The following IP6K2 variants were observed in gnomAD, a reference collection of about 807,000 sequenced individuals.
The protein encoded by IP6K2 is ATP:1D-myo-inositol-hexakisphosphate phosphotransferase.
In IP6K2, 9 loss-of-function variants were observed where a neutral mutation model predicts 43.3. The observed-to-expected ratio is 0.21, with a 90% CI of 0.13 to 0.36. IP6K2 has a LOEUF of 0.36. Among genes scored for constraint, IP6K2 ranks in the 10% least tolerant of loss-of-function variants. The probability of loss-of-function intolerance (pLI) is 1.00; values close to 1 mark genes in which losing one functional copy is unlikely to be tolerated. For synonymous variants in IP6K2, 209 were observed against 202.4 expected, an observed-to-expected ratio of 1.03 and a Z score of -0.28; for missense variants, 332 against 538.4, an observed-to-expected ratio of 0.62 and a Z score of 3.79.
At chr3:48,714,733 G>GAGGCTGAGGC (rs969422083) in intron 1 of IP6K2, among the ~76,000 whole-genome samples, 2 of 151,956 alleles carry the variant, frequency 1.3e-5, no homozygotes, top group South Asian at 2.1e-4. Flanking sequence ...GCCAGGCGCG[G>GAGGCTGAGGC]AGGCTGAGGC....
chr3:48,702,515 C>A (rs527283911), intron 1 of IP6K2, among the ~76,000 whole-genome samples: 21 of 151,834 alleles, frequency 1.4e-4, no homozygotes, highest in African/African-American at 4.8e-4. Flanking sequence ...GTAATCACGG[C>A]TCACTGCAGC....
At chr3:48,709,054 C>T (rs1473903142) in intron 1 of IP6K2, among the ~76,000 whole-genome samples, 2 of 152,188 alleles carry the variant, frequency 1.3e-5, no homozygotes, top group South Asian at 2.1e-4. Context: ...GGTGACAGAG[C>T]GAGACACTGT....
intron 2 of IP6K2, chr3:48,693,392 G>A (rs142591410): frequency 8.3e-7 from 1 of 1,198,420 alleles, no homozygotes; most frequent in Non-Finnish European, 1.2e-6. Flanking sequence ...ACATGGCTGA[G>A]AGTCTTCCTC....
At position 48,695,029 on chromosome 3, in the gene IP6K2, T is replaced by A. The variant is rs957141808; in HGVS notation, c.202+61A>T. On this transcript the variant is annotated intron_variant, in intron 2 of 5. Coordinates refer to ENST00000328631, the MANE Select transcript of IP6K2 (RefSeq NM_016291.4). This position sits in a 1 kb window ranked among gnomAD's most constrained non-coding sequence, Gnocchi z 4.6. ...CAGGGATGGCTGCCAGGGCCTTCCATGGCCACGATCTCTCACATCTCCTCG... is the reference window on the plus strand; with the variant it reads ...CAGGGATGGCTGCCAGGGCCTTCCAAGGCCACGATCTCTCACATCTCCTCG... 6.2e-7 allele frequency: 1 copy of A among 1,614,028 alleles called. No individual in the cohort carries two copies. The highest frequency in any genetic ancestry group is 8.5e-7 in the Non-Finnish European group (1 of 1,179,960).
chr3:48,701,317 A>C (rs1015388762), intron 1 of IP6K2, among the ~76,000 whole-genome samples: 19 of 152,194 alleles, frequency 1.2e-4, no homozygotes, highest in African/African-American at 3.9e-4. Context: ...CTATAGTCCT[A>C]GCACCCTGGG....
chr3:48,690,954 A>G (rs2077729775), intron 4 of IP6K2, among the ~76,000 whole-genome samples: 1 of 152,122 alleles, frequency 6.6e-6, no homozygotes, highest in Non-Finnish European at 1.5e-5. Context: ...GCAGGTGAGC[A>G]ATGTTTTCAG....
chr3:48,715,028 T>C (rs1399863023), intron 1 of IP6K2, among the ~76,000 whole-genome samples: 1 of 152,114 alleles, frequency 6.6e-6, no homozygotes, highest in African/African-American at 2.4e-5. Context: ...AACTCAATTT[T>C]TGGAGAGAAG....
chr3:48,706,324 T>C (rs1420027942), intron 1 of IP6K2, among the ~76,000 whole-genome samples: 1 of 150,960 alleles, frequency 6.6e-6, no homozygotes, highest in East Asian at 2.0e-4. Flanking sequence ...GTAGTGCACA[T>C]CTGTAGCCCT....
At chr3:48,712,735 G>C (rs1160862183) in intron 1 of IP6K2, among the ~76,000 whole-genome samples, 1 of 151,546 alleles carries the variant, frequency 6.6e-6, no homozygotes, top group Non-Finnish European at 1.5e-5. Context: ...TGTATGTGCA[G>C]GCCGGGCGCA....
At chr3:48,693,356 A>T in intron 2 of IP6K2, 177 bp from the exon 3 acceptor site, 1 of 1,129,010 alleles carries the variant, frequency 8.9e-7, no homozygotes, top group Non-Finnish European at 1.3e-6. Context: ...AGATGACACC[A>T]TACAAGACAA....
chr3:48,707,420 T>A (rs980943570), intron 1 of IP6K2, among the ~76,000 whole-genome samples: 2 of 152,114 alleles, frequency 1.3e-5, no homozygotes, highest in African/African-American at 4.8e-5. Flanking sequence ...GAGCCCTCAA[T>A]AGCATCTCAT....
intron 1 of IP6K2, among the ~76,000 whole-genome samples, chr3:48,710,917 G>GT (rs533043253): frequency 1.3e-4 from 20 of 152,054 alleles, no homozygotes; most frequent in South Asian, 1.2e-3. Context: ...CCTTGTTTTT[G>GT]TTTTTTTAAC....
chr3:48,707,242 A>G (rs938992088), intron 1 of IP6K2, among the ~76,000 whole-genome samples: 1 of 152,244 alleles, frequency 6.6e-6, no homozygotes, highest in African/African-American at 2.4e-5. Context: ...AGATTGAAAC[A>G]GGAAAACACA....
Position 48,688,202 on chromosome 3 carries a change from T to TTCC in IP6K2, c.*68_*70dup. On this transcript the variant is annotated 3_prime_UTR_variant, in exon 6 of 6. Coordinates refer to ENST00000328631, the MANE Select transcript of IP6K2 (RefSeq NM_016291.4). This position sits in a 1 kb window ranked among gnomAD's most constrained non-coding sequence, Gnocchi z 5.1. ...GGAGCCACCACCTGGCCATACTGGC[T>TTCC]TCCTCCCTGACGCAGCACAGCTGTG... 6.4e-7 allele frequency: 1 copy of TTCC among 1,554,136 alleles called. No homozygotes were observed. Among genetic ancestry groups the TTCC allele is most frequent in the East Asian group, 2.3e-5 (1 of 44,306 alleles).
intron 1 of IP6K2, chr3:48,715,358 C>T: frequency 1.3e-6 from 2 of 1,536,162 alleles, no homozygotes; most frequent in South Asian, 2.4e-5. Context: ...ATCCCTGTTG[C>T]CTAGATACCA....
chr3:48,694,054 G>T (rs3172494), intron 2 of IP6K2: 170,582 of 1,453,594 alleles, frequency 0.12, 11,139 homozygotes, highest in African/African-American at 0.17. Flanking sequence ...AATCTGCTCA[G>T]TCCTCGACTG....
Position 48,695,932 on chromosome 3 carries a change from G to A in IP6K2, c.-130-511C>T, listed in dbSNP as rs187041548. Among the ~76,000 whole-genome samples, 185 of 149,426 alleles carry A rather than the reference G, an allele frequency of 1.2e-3. No individual in the cohort carries two copies. The highest frequency in any genetic ancestry group is 4.3e-3 in the African/African-American group (176 of 40,682). On this transcript the variant is annotated intron_variant, in intron 1 of 5. Coordinates refer to ENST00000328631, the MANE Select transcript of IP6K2 (RefSeq NM_016291.4). The surrounding 1 kb of genome is among the most constrained non-coding windows in gnomAD (Gnocchi z 4.6). Reference sequence around the variant, plus strand: ...ATGGAGTCTCACTCTATCGCCAGGCGGGAGTGCAGTGGCACAATCTCGACT... The same window carrying A: ...ATGGAGTCTCACTCTATCGCCAGGCAGGAGTGCAGTGGCACAATCTCGACT...
chr3:48,699,031 C>G (rs2078725670), intron 1 of IP6K2, among the ~76,000 whole-genome samples: 1 of 152,296 alleles, frequency 6.6e-6, no homozygotes, highest in South Asian at 2.1e-4. Flanking sequence ...AAAAATAACT[C>G]TGTGTAGGTA....
rs866862316 is a variant in IP6K2, at chr3:48,688,123, G to T, written c.*150C>A. 5 of 743,288 alleles carry T rather than the reference G, an allele frequency of 6.7e-6. No homozygotes were observed. Among genetic ancestry groups the T allele is most frequent in the Middle Eastern group, 3.8e-4 (1 of 2,628 alleles). The allele number at this position is 743,288 out of a possible 1,614,324, so 46.0% of individuals were successfully genotyped here. ...AAATAAAGACTCCAAGCACAGCTGGGACTGGCTCAGGCTGGGGCTCACAGA... is the reference window on the plus strand; with the variant it reads ...AAATAAAGACTCCAAGCACAGCTGGTACTGGCTCAGGCTGGGGCTCACAGA... On this transcript the variant is annotated 3_prime_UTR_variant, in exon 6 of 6. Coordinates refer to ENST00000328631, the MANE Select transcript of IP6K2 (RefSeq NM_016291.4). This position sits in a 1 kb window ranked among gnomAD's most constrained non-coding sequence, Gnocchi z 5.1.
Sources: allele counts gnomAD v4.1 joint callset (sites outside exome capture counted in the v4.1 genomes callset), GRCh38; gene constraint gnomAD v4.1.1; non-coding constraint Gnocchi (gnomAD v3.1); transcripts MANE v1.5; gene names NCBI Gene and HGNC (gene_info 2026-07-23, HGNC 2026-07-21).